Variants in RNF14 observed in about 807,000 individuals in gnomAD.
RNF14 encodes the protein E3 ubiquitin-protein ligase RNF14.
A neutral mutation model predicts 52.6 loss-of-function variants in RNF14; 26 were observed. That is an observed-to-expected ratio of 0.49 (90% confidence interval 0.36 to 0.69). The LOEUF (loss-of-function observed/expected upper bound fraction) is 0.69, where lower values mean the gene tolerates loss of function less well. Ranked by LOEUF, RNF14 falls within the 30% of genes least tolerant of loss-of-function variation. RNF14 has a pLI of 0.00. For synonymous variants in RNF14, 194 were observed against 202.0 expected (o/e 0.96, Z 0.34); for missense variants, 404 against 560.4 (o/e 0.72, Z 2.82).
intron 6 of RNF14, 36 bp downstream of exon 6, chr5:141,980,387 A>G (rs1249407068): frequency 6.7e-7 from 1 of 1,483,348 alleles, no homozygotes. Flanking sequence ...CCCCATCCCC[A>G]GTCTCTCCCT....
upstream of RNF14, chr5:141,958,019 A>G (rs945289194): frequency 4.1e-6 from 3 of 730,380 alleles, no homozygotes; most frequent in African/African-American, 1.8e-5. Context: ...CAGGACCCCA[A>G]GGCAAGGCCA....
chr5:141,984,990 GACCA>G, intron 8 of RNF14, 57 bp downstream of exon 8: 1 of 1,482,692 alleles, frequency 6.7e-7, no homozygotes, highest in Non-Finnish European at 9.4e-7. Context: ...TTGATTTGCA[GACCA>G]CAAATCCAGT....
At chr5:141,949,552 C>T in the RNF14 span, 8 of 1,614,154 alleles carry the variant, frequency 5.0e-6, no homozygotes, top group Non-Finnish European at 5.1e-6. Context: ...CCAGCCCTTG[C>T]ACTTGGGCCA....
intron 1 of RNF14, among the ~76,000 whole-genome samples, chr5:141,961,376 A>AC (rs1242189797): frequency 6.6e-6 from 1 of 152,108 alleles, no homozygotes; most frequent in Non-Finnish European, 1.5e-5. Flanking sequence ...AAGCTGGCAA[A>AC]CAAGGCCCCA....
chr5:141,984,305 C>T (rs1396824516), intron 7 of RNF14, among the ~76,000 whole-genome samples: 1 of 151,750 alleles, frequency 6.6e-6, no homozygotes, highest in Non-Finnish European at 1.5e-5. Context: ...ACCATGTTGG[C>T]CAGGCTGGTC....
Position 141,974,851 on chromosome 5 carries a change from T to G in RNF14, c.202T>G (p.Cys68Gly). 2.5e-6 allele frequency: 4 copies of G among 1,614,120 alleles called. No individual in the cohort carries two copies. Among genetic ancestry groups the G allele is most frequent in the Non-Finnish European group, 3.4e-6 (4 of 1,179,980 alleles). Residue 68 changes from cysteine (C) to glycine (G), a missense_variant, in exon 4 of 9, where the codon TGC (cysteine) becomes GGC (glycine). Cys to Gly is a radical substitution (Grantham distance 159). Coordinates refer to ENST00000394520, the MANE Select transcript of RNF14 (RefSeq NM_004290.5). ...LQNSGFEYTI[C>G]FLPPLVLNFE... ...GAATAGTGGCTTTGAATACACCATT[T>G]GCTTTCTGCCTCCACTTGTGCTGAA...
upstream of RNF14, among the ~76,000 whole-genome samples, chr5:141,967,609 G>A (rs912855828): frequency 4.6e-5 from 7 of 152,174 alleles, no homozygotes; most frequent in South Asian, 2.1e-4. Context: ...AATCCTGCCC[G>A]GGAGGCAATG....
At chr5:141,964,779 AATT>A (rs1195410420), upstream of RNF14, among the ~76,000 whole-genome samples, 4 of 48,556 alleles carry the variant, frequency 8.2e-5, no homozygotes, top group African/African-American at 2.1e-4. Flanking sequence ...AAGCCCGGCT[AATT>A]TTTTTTTTTT....
upstream of RNF14, chr5:141,956,581 G>T (rs944750921): frequency 1.3e-5 from 21 of 1,614,014 alleles, no homozygotes; most frequent in Non-Finnish European, 1.4e-5. Flanking sequence ...GGTATATTTG[G>T]GCCACTGCTC....
In RNF14 at chr5:141,987,714, C is replaced by T. The variant is rs763474516; in HGVS notation, c.1368-19C>T. Reference sequence around the variant, plus strand: ...TTTCGTTCAAGTGTATAAAAATGTACCTTTTTTAATGCTTCCAGGCTGTTT... The same window carrying T: ...TTTCGTTCAAGTGTATAAAAATGTATCTTTTTTAATGCTTCCAGGCTGTTT... On this transcript the variant is annotated intron_variant, in intron 8 of 8. Coordinates refer to ENST00000394520, the MANE Select transcript of RNF14 (RefSeq NM_004290.5). 1.4e-5 allele frequency: 23 copies of T among 1,612,630 alleles called. 1 individual carries two copies. In the South Asian group the frequency reaches 2.5e-4, roughly 18 times the overall value.
At chr5:141,957,825 C>T (rs1561537290), upstream of RNF14, 2 of 1,600,366 alleles carry the variant, frequency 1.2e-6, no homozygotes, top group Non-Finnish European at 1.7e-6. This position sits in a 1 kb window ranked among gnomAD's most constrained non-coding sequence, Gnocchi z 4.3. Flanking sequence ...CCAAAAGCCC[C>T]AGCAGAAGTT....
rs541935619 is a variant in RNF14, at chr5:141,980,046, A to G, written c.835-77A>G. ...TTTATGTGCCCATCTGGTTTACACT[A>G]GCATCCTAAGAATCGCCTCAGGTTC... On this transcript the variant is annotated intron_variant, in intron 5 of 8. Coordinates refer to ENST00000394520, the MANE Select transcript of RNF14 (RefSeq NM_004290.5). The G allele has an allele frequency of 3.2e-5, 37 of 1,146,602 alleles. 1 individual carries two copies. In the Admixed American group the frequency reaches 6.1e-4, roughly 19 times the overall value. 71.0% of individuals were successfully genotyped at this position (1,146,602 alleles called of 1,614,324 possible). A position where few individuals can be genotyped will look rare whatever the true frequency, so the allele number is the denominator to read the frequency against.
rs1394796636 is a variant in RNF14 at position 141,970,844 on chromosome 5, G to C, written c.-40G>C. ...TCTGAGCTGAAATACAGACTGCGGT[G>C]TTAATATCCTTTTCTTCTGATTGTT... On this transcript the variant is annotated 5_prime_UTR_variant, in exon 2 of 9. Transcript: ENST00000394520. 1.3e-5 allele frequency: 2 copies of C among 152,316 alleles called. No individual in the cohort carries two copies. Among genetic ancestry groups the C allele is most frequent in the African/African-American group, 4.8e-5 (2 of 41,450 alleles). The allele number at this position is 152,316 out of a possible 1,614,324, so 9.4% of individuals were successfully genotyped here. A position where few individuals can be genotyped will look rare whatever the true frequency, so the allele number is the denominator to read the frequency against.
Position 141,989,842 on chromosome 5 carries a change from G to A in RNF14, c.*2052G>A, listed in dbSNP as rs1477042345. Reference sequence around the variant, plus strand: ...AGATTTATTCAGAAAGAGCTACTCAGAAGCTCTATAGTTCGTGAGCTACTT... The same window carrying A: ...AGATTTATTCAGAAAGAGCTACTCAAAAGCTCTATAGTTCGTGAGCTACTT... On this transcript the variant is annotated 3_prime_UTR_variant, in exon 9 of 9. Transcript: ENST00000394520. 1 of 152,180 alleles carries A rather than the reference G, an allele frequency of 6.6e-6. No individual in the cohort carries two copies. Among genetic ancestry groups the A allele is most frequent in the Non-Finnish European group, 1.5e-5 (1 of 68,050 alleles). 9.4% of individuals were successfully genotyped at this position (152,180 alleles called of 1,614,324 possible).
In RNF14 at chr5:141,988,285, C is replaced by G. The variant is rs1271729298; in HGVS notation, c.*495C>G. 2.6e-5 allele frequency: 4 copies of G among 152,926 alleles called. No homozygotes were observed. The highest frequency in any genetic ancestry group is 7.2e-5 in the African/African-American group (3 of 41,424). The allele number at this position is 152,926 out of a possible 1,614,324, so 9.5% of individuals were successfully genotyped here. A position where few individuals can be genotyped will look rare whatever the true frequency, so the allele number is the denominator to read the frequency against. ...TCCATGTTAATCACATTCCTACCAA[C>G]CTAAATTTCTGCCAAGTCAGTTCTC... On this transcript the variant is annotated 3_prime_UTR_variant, in exon 9 of 9. Coordinates refer to ENST00000394520, the MANE Select transcript of RNF14 (RefSeq NM_004290.5).
upstream of RNF14, among the ~76,000 whole-genome samples, chr5:141,954,351 G>A (rs1753140094): frequency 6.6e-6 from 1 of 152,244 alleles, no homozygotes; most frequent in Non-Finnish European, 1.5e-5. Context: ...AAGTTGCCCA[G>A]ATGAGATGAA....
intron 1 of RNF14, chr5:141,969,581 AGT>A (rs1753552362): frequency 6.6e-6 from 1 of 152,270 alleles, no homozygotes; most frequent in African/African-American, 2.4e-5. Context: ...AAATGGATAG[AGT>A]GAGAAGGAAA....
chr5:141,969,746 A>G (rs887030792), intron 1 of RNF14: 1 of 152,282 alleles, frequency 6.6e-6, no homozygotes, highest in African/African-American at 2.4e-5. Context: ...GAGAACTTGG[A>G]AAACTACTGA....
chr5:141,987,021 T>C (rs894003990), intron 8 of RNF14, among the ~76,000 whole-genome samples: 1 of 152,124 alleles, frequency 6.6e-6, no homozygotes, highest in Non-Finnish European at 1.5e-5. Context: ...CCATGGTCAG[T>C]GGTCTATTGG....
Sources: allele counts gnomAD v4.1 joint callset (sites outside exome capture counted in the v4.1 genomes callset), GRCh38; gene constraint gnomAD v4.1.1; non-coding constraint Gnocchi (gnomAD v3.1); transcripts MANE v1.5; gene names NCBI Gene and HGNC (gene_info 2026-07-23, HGNC 2026-07-21).